Variants in CHD7 observed in about 807,000 individuals in gnomAD.
CHD7 encodes the protein chromodomain helicase DNA binding protein 7, also known as ATP-dependent chromatin remodeler CHD7.
In CHD7, 24 loss-of-function variants were observed where a neutral mutation model predicts 307.3. The ratio of observed to expected loss-of-function variants is 0.08; its 90% CI spans 0.06 to 0.11. The LOEUF is 0.11. Among genes scored for constraint, CHD7 ranks in the 10% least tolerant of loss-of-function variants. The probability of loss-of-function intolerance (pLI) is 1.00; values close to 1 mark genes in which losing one functional copy is unlikely to be tolerated. For synonymous variants in CHD7, 1,363 were observed against 1,349.9 expected (o/e 1.01, Z -0.21); for missense variants, 3,106 against 3,727.1 (o/e 0.83, Z 4.34).
At chr8:60,695,884 A>G (rs1331295639) in intron 1 of CHD7, among the ~76,000 whole-genome samples, 3 of 152,224 alleles carry the variant, frequency 2.0e-5, no homozygotes, top group East Asian at 1.9e-4. Context: ...GAAGTTTCAT[A>G]AGTATAAACT....
intron 2 of CHD7, among the ~76,000 whole-genome samples, chr8:60,776,329 G>T (rs1810949948): frequency 6.6e-6 from 1 of 152,152 alleles, no homozygotes; most frequent in South Asian, 2.1e-4. Context: ...GAATATTTTT[G>T]TGCTTTTTAT....
chr8:60,728,272 AGT>A (rs1808269484), intron 1 of CHD7, among the ~76,000 whole-genome samples: 1 of 152,266 alleles, frequency 6.6e-6, no homozygotes, highest in African/African-American at 2.4e-5. Flanking sequence ...ATCAGTGTGC[AGT>A]TCTTTTGAAT....
At chr8:60,685,916 C>CT (rs1805862400) in intron 1 of CHD7, among the ~76,000 whole-genome samples, 1 of 152,092 alleles carries the variant, frequency 6.6e-6, no homozygotes, top group South Asian at 2.1e-4. Flanking sequence ...TGTTTGCCAG[C>CT]TAATATGGGT....
chr8:60,746,180 C>T (rs1288293317), intron 2 of CHD7, among the ~76,000 whole-genome samples: 2 of 152,090 alleles, frequency 1.3e-5, no homozygotes, highest in East Asian at 1.9e-4. Flanking sequence ...ACTACAGGCG[C>T]GCACCACCGT....
chr8:60,790,340 G>A (rs1811712143), intron 3 of CHD7, among the ~76,000 whole-genome samples: 1 of 152,152 alleles, frequency 6.6e-6, no homozygotes, highest in African/African-American at 2.4e-5. Flanking sequence ...GCCTCAGGAG[G>A]GATGGCCTGC....
intron 7 of CHD7, among the ~76,000 whole-genome samples, chr8:60,815,811 C>T (rs1803711636): frequency 2.0e-5 from 3 of 152,174 alleles, no homozygotes; most frequent in Admixed American, 1.3e-4. Flanking sequence ...TGGTTCTTTC[C>T]TCCTAGATTT....
chr8:60,764,862 A>G (rs1022926841), intron 2 of CHD7, among the ~76,000 whole-genome samples: 1 of 152,246 alleles, frequency 6.6e-6, no homozygotes, highest in South Asian at 2.1e-4. Context: ...CAGACATAGT[A>G]CAGAACATGT....
chr8:60,794,207 A>G lies in CHD7; in HGVS notation c.2097-779A>G, dbSNP rs536750966. Among the ~76,000 whole-genome samples, 11 of 152,326 alleles carry G rather than the reference A, an allele frequency of 7.2e-5. No homozygotes were observed. The South Asian group carries it at 2.3e-3, about 32-fold the overall frequency. On this transcript the variant is annotated intron_variant, in intron 3 of 37. Transcript: ENST00000423902. ...GTACATAAAGTCAGGTAAAGGTTCTAGAGGTAATGGCAAATGTAAAACATT... is the reference window on the plus strand; with the variant it reads ...GTACATAAAGTCAGGTAAAGGTTCTGGAGGTAATGGCAAATGTAAAACATT...
intron 3 of CHD7, among the ~76,000 whole-genome samples, chr8:60,785,853 T>C (rs372206684): frequency 6.6e-6 from 1 of 152,110 alleles, no homozygotes; most frequent in East Asian, 1.9e-4. Context: ...CTGATGATTT[T>C]CTTATTCTTT....
At chr8:60,683,011 A>G (rs993120448) in intron 1 of CHD7, among the ~76,000 whole-genome samples, 2 of 152,232 alleles carry the variant, frequency 1.3e-5, no homozygotes, top group Non-Finnish European at 2.9e-5. Context: ...TATTAAGATG[A>G]TGTCAGCAAT....
chr8:60,808,766 A>T (rs528076638), intron 7 of CHD7: 1 of 153,800 alleles, frequency 6.5e-6, no homozygotes, highest in South Asian at 2.0e-4. Flanking sequence ...GTAGATTTGA[A>T]TTCATAACTT....
intron 3 of CHD7, among the ~76,000 whole-genome samples, chr8:60,790,453 A>T (rs1378701222): frequency 6.6e-6 from 1 of 152,284 alleles, no homozygotes; most frequent in Non-Finnish European, 1.5e-5. Flanking sequence ...TTGGTTTTTT[A>T]AAAAATGCTA....
At chr8:60,842,329 A>T (rs1419097864) in intron 21 of CHD7, among the ~76,000 whole-genome samples, 1 of 152,232 alleles carries the variant, frequency 6.6e-6, no homozygotes, top group African/African-American at 2.4e-5. Flanking sequence ...TTGATTATTA[A>T]TAATTAAGAA....
chr8:60,757,500 A>G (rs1185445659), intron 2 of CHD7, among the ~76,000 whole-genome samples: 1 of 152,208 alleles, frequency 6.6e-6, no homozygotes. Context: ...TGTCACCTGG[A>G]TGAAATGAAG....
chr8:60,816,276 G>T lies in CHD7; in HGVS notation c.2499-111G>T, dbSNP rs144923700. ...AAATGTTGCTCAGCAGCCTTAATGG[G>T]TAATTAAGCAGGTTATTTTAATTAT... On this transcript the variant is annotated intron_variant, in intron 7 of 37. Coordinates refer to ENST00000423902, the MANE Select transcript of CHD7 (RefSeq NM_017780.4). 189 of 651,732 alleles carry T rather than the reference G, an allele frequency of 2.9e-4. 2 individuals carry two copies. The highest frequency in any genetic ancestry group is 2.5e-3 in the Middle Eastern group (6 of 2,416). 40.4% of individuals were successfully genotyped at this position (651,732 alleles called of 1,614,324 possible).
rs761265156 is a variant in CHD7 at position 60,851,064 on chromosome 8, A to C, written c.5567A>C (p.Glu1856Ala). Residue 1856 changes from glutamate to alanine, a missense_variant, in exon 27 of 38, where the codon GAA becomes GCA. Physicochemically the swap from Glu to Ala is moderately radical, Grantham distance 107. Coordinates refer to ENST00000423902, the MANE Select transcript of CHD7 (RefSeq NM_017780.4). ...TTTGATAGAGAAGATGAAGACCCAGAATATAAACCAACCAGAACACCGTTC... is the reference window on the plus strand; with the variant it reads ...TTTGATAGAGAAGATGAAGACCCAGCATATAAACCAACCAGAACACCGTTC... ...GEFDREDEDP[E>A]YKPTRTPFKD... 3.2e-6 allele frequency: 5 copies of C among 1,575,380 alleles called. No individual in the cohort carries two copies. Among genetic ancestry groups the C allele is most frequent in the Non-Finnish European group, 4.3e-6 (5 of 1,159,206 alleles).
At chr8:60,850,733 C>T in intron 26 of CHD7, 111 bp downstream of exon 26, 1 of 1,130,574 alleles carries the variant, frequency 8.8e-7, no homozygotes, top group Admixed American at 2.1e-5. Context: ...ATTTGAAGTT[C>T]AGGAGATGTT....
chr8:60,837,117 A>G, intron 17 of CHD7, 105 bp downstream of exon 17: 1 of 875,940 alleles, frequency 1.1e-6, no homozygotes, highest in Non-Finnish European at 1.8e-6. Flanking sequence ...GTCGTCACTC[A>G]GGCTGTGTCC....
intron 2 of CHD7, among the ~76,000 whole-genome samples, chr8:60,743,894 A>T (rs1809187792): frequency 6.6e-6 from 1 of 152,250 alleles, no homozygotes; most frequent in African/African-American, 2.4e-5. Flanking sequence ...ATATATACTG[A>T]TTATCTACCA....
Sources: allele counts gnomAD v4.1 joint callset (sites outside exome capture counted in the v4.1 genomes callset), GRCh38; gene constraint gnomAD v4.1.1; transcripts MANE v1.5; gene names NCBI Gene and HGNC (gene_info 2026-07-23, HGNC 2026-07-21).